CDKL5: variants seen among roughly 807,000 people sequenced by gnomAD.
CDKL5 encodes the protein cyclin dependent kinase like 5, also known as cyclin-dependent kinase-like 5.
A neutral mutation model predicts 61.7 loss-of-function variants in CDKL5; 8 were observed. The observed-to-expected ratio is 0.13, with a 90% confidence interval of 0.08 to 0.23. The LOEUF (loss-of-function observed/expected upper bound fraction) is 0.23. Among genes scored for constraint, CDKL5 ranks in the 10% least tolerant of loss-of-function variants. CDKL5 has a pLI of 1.00. For missense variants in CDKL5, 440 were observed against 734.5 expected (o/e 0.60, Z 4.63); for synonymous variants, 275 against 272.3 (o/e 1.01, Z -0.10).
intron 16 of CDKL5, 23 bp from the exon 17 acceptor site, chrX:18,625,105 T>C: frequency 4.2e-6 from 5 of 1,201,885 alleles, no homozygotes; most frequent in Non-Finnish European, 4.5e-6. Flanking sequence ...GCTTATTGAA[T>C]GCTTGTCCAT....
At position 18,544,888 on chromosome X, in the gene CDKL5, T is replaced by C. The variant is rs753531748; in HGVS notation, c.100-19589T>C. 5.4e-5 allele frequency among the ~76,000 whole-genome samples: 6 copies of C among 112,101 alleles called. No homozygotes were observed. In the East Asian group the frequency reaches 1.7e-3, roughly 31 times the overall value. ...GGAGTATAGTCCTTTAATAATCAGA[T>C]TTTTTTGTTCGTTTTTGTAAGTAGG... On this transcript the variant is annotated intron_variant, in intron 3 of 17. Coordinates refer to ENST00000623535, the MANE Select transcript of CDKL5 (RefSeq NM_001323289.2).
chrX:18,471,321 G>A (rs1414067085), intron 1 of CDKL5, among the ~76,000 whole-genome samples: 2 of 111,459 alleles, frequency 1.8e-5, no homozygotes, highest in Non-Finnish European at 3.8e-5. Context: ...TCCTTTCTTT[G>A]TGTTACAAAC....
intron 3 of CDKL5, among the ~76,000 whole-genome samples, chrX:18,514,445 G>A (rs1224103351): frequency 3.6e-5 from 4 of 111,367 alleles, no homozygotes; most frequent in Non-Finnish European, 3.8e-5. Flanking sequence ...AGTGGCTCAC[G>A]CCTGTAATCC....
Position 18,604,648 on chromosome X carries a change from A to G in CDKL5, c.1724A>G (p.Glu575Gly). The G allele has an allele frequency of 8.2e-7, 1 of 1,212,172 alleles. No homozygotes were observed. Among genetic ancestry groups the G allele is most frequent in the Non-Finnish European group, 1.1e-6 (1 of 895,533 alleles). Residue 575 changes from glutamate (E) to glycine (G), a missense_variant, in exon 12 of 18, where the codon GAG (glutamate) becomes GGG (glycine). This residue lies in a region of CDKL5 where 363 missense variants were observed against 516.3 expected (regional missense o/e 0.70). Coordinates refer to ENST00000623535, the MANE Select transcript of CDKL5 (RefSeq NM_001323289.2). ...SKTMEELKLP[E>G]HMDSSHSHSL... ...ACGATGGAGGAATTGAAGCTGCCGG[A>G]GCACATGGACAGTAGCCATTCCCAT... is the stretch of plus-strand genomic sequence containing the variant.
At chrX:18,461,899 C>T (rs1197582031) in intron 1 of CDKL5, among the ~76,000 whole-genome samples, 3 of 111,191 alleles carry the variant, frequency 2.7e-5, no homozygotes, top group Non-Finnish European at 5.6e-5. Flanking sequence ...AAATAAAGTG[C>T]TGCCGGGCTT....
At chrX:18,601,770 A>G (rs1442662982) in intron 11 of CDKL5, among the ~76,000 whole-genome samples, 3 of 112,518 alleles carry the variant, frequency 2.7e-5, no homozygotes, top group Non-Finnish European at 3.7e-5. Context: ...TAAGATCCAC[A>G]TGTACGTTTC....
chrX:18,560,329 A>G (rs1261554334), intron 3 of CDKL5, among the ~76,000 whole-genome samples: 1 of 111,664 alleles, frequency 9.0e-6, no homozygotes, highest in Non-Finnish European at 1.9e-5. Context: ...GCCAAAAATG[A>G]CCTTTTCTAA....
chrX:18,598,077 TG>T (rs917625861), intron 10 of CDKL5, among the ~76,000 whole-genome samples: 13 of 111,632 alleles, frequency 1.2e-4, no homozygotes, highest in African/African-American at 4.2e-4. Flanking sequence ...ACTGGGTATC[TG>T]GGGGATAAGA....
At chrX:18,553,469 T>C (rs759487174) in intron 3 of CDKL5, among the ~76,000 whole-genome samples, 86 of 95,159 alleles carry the variant, frequency 9.0e-4, no homozygotes, top group African/African-American at 3.1e-3. Context: ...TGTGTGCGTG[T>C]GTGTGTGTGT....
chrX:18,451,070 A>G (rs759774512), intron 1 of CDKL5, among the ~76,000 whole-genome samples: 5 of 111,894 alleles, frequency 4.5e-5, no homozygotes, highest in African/African-American at 9.7e-5. Flanking sequence ...ATTGGGATGT[A>G]GAAGAATGCT....
chrX:18,633,981 TAGTC>T lies in CDKL5; in HGVS notation c.*5225_*5228del, dbSNP rs1927309226. 23 of 754,077 alleles carry T rather than the reference TAGTC, an allele frequency of 3.1e-5. No homozygotes were observed. Among genetic ancestry groups the T allele is most frequent in the Non-Finnish European group, 3.6e-5 (23 of 639,272 alleles). 62.1% of individuals were successfully genotyped at this position (754,077 alleles called of 1,213,427 possible). A position where few individuals can be genotyped will look rare whatever the true frequency, so the allele number is the denominator to read the frequency against. On this transcript the variant is annotated 3_prime_UTR_variant, in exon 18 of 18. Transcript: ENST00000623535. ...TCATTTTGCCAGAAAAAAATTGTAA[TAGTC>T]GGCACGCTGGATTTGTAGGGCCAGC...
At chrX:18,580,026 T>G (rs758088531) in intron 6 of CDKL5, 58 bp downstream of exon 6, 7 of 958,559 alleles carry the variant, frequency 7.3e-6, no homozygotes, top group Admixed American at 6.7e-5. Context: ...GTTAAGAGTA[T>G]TTCACATGTT....
chrX:18,639,616 A>C lies in CDKL5; in HGVS notation c.*10859A>C, dbSNP rs964846449. On this transcript the variant is annotated 3_prime_UTR_variant, in exon 18 of 18. Coordinates refer to ENST00000623535, the MANE Select transcript of CDKL5 (RefSeq NM_001323289.2). ...TTCCTCCAAAGATTAAACAAGAGTG[A>C]CTGTGTGTCCCAGCAGTTTTACTCC... Among the ~76,000 whole-genome samples the C allele has an allele frequency of 1.8e-5, 2 of 112,445 alleles. No individual in the cohort carries two copies. The highest frequency in any genetic ancestry group is 3.8e-5 in the Non-Finnish European group (2 of 53,304).
chrX:18,493,798 A>G (rs1444552123), intron 1 of CDKL5, among the ~76,000 whole-genome samples: 1 of 112,285 alleles, frequency 8.9e-6, no homozygotes, highest in East Asian at 2.8e-4. Context: ...TTCAGAAAAT[A>G]TTACCCCAAA....
At chrX:18,460,142 G>T (rs201636229) in intron 1 of CDKL5, among the ~76,000 whole-genome samples, 2 of 110,820 alleles carry the variant, frequency 1.8e-5, no homozygotes, top group Non-Finnish European at 3.8e-5. Flanking sequence ...CTCGTGATCC[G>T]CCCGCCTCGG....
chrX:18,430,503 G>A (rs1931459189), intron 1 of CDKL5, among the ~76,000 whole-genome samples: 1 of 111,185 alleles, frequency 9.0e-6, no homozygotes, highest in Non-Finnish European at 1.9e-5. Context: ...GAGTGCAATG[G>A]CGTGATCTCG....
chrX:18,611,168 C>T (rs763501049), intron 14 of CDKL5, among the ~76,000 whole-genome samples: 4 of 111,501 alleles, frequency 3.6e-5, no homozygotes, highest in South Asian at 3.7e-4. Context: ...CAGTGGCTCA[C>T]GCCTGTAATC....
At chrX:18,555,259 G>A (rs1283049116) in intron 3 of CDKL5, among the ~76,000 whole-genome samples, 2 of 110,909 alleles carry the variant, frequency 1.8e-5, no homozygotes, top group Non-Finnish European at 3.8e-5. Flanking sequence ...GATGTCTTGG[G>A]GGGAGCACAG....
At chrX:18,520,391 A>G (rs1923203725) in intron 3 of CDKL5, among the ~76,000 whole-genome samples, 1 of 112,164 alleles carries the variant, frequency 8.9e-6, no homozygotes, top group Non-Finnish European at 1.9e-5. Context: ...AAGTTTATCC[A>G]CGTTGTAGCA....
Sources: gnomAD v4.1 joint callset for allele counts (sites outside exome capture counted in the v4.1 genomes callset) on GRCh38, gnomAD v4.1.1 for gene constraint, gnomAD v4.1.1 regional missense constraint, MANE v1.5 for transcripts, NCBI Gene and HGNC (gene_info 2026-07-23, HGNC 2026-07-21) for gene names.